PRKAR1B: variants seen among roughly 807,000 people sequenced by gnomAD.
PRKAR1B encodes cAMP-dependent protein kinase type I-beta regulatory subunit.
PRKAR1B carries 22 observed loss-of-function variants against 46.5 expected under a neutral mutation model. That is an observed-to-expected ratio of 0.47 (90% CI 0.34 to 0.68). The LOEUF is 0.68. PRKAR1B is among the 30% of genes least tolerant of loss of function. The pLI, the probability that PRKAR1B is intolerant of heterozygous loss-of-function variation, is 0.01. For synonymous variants in PRKAR1B, 259 were observed against 217.7 expected (o/e 1.19, Z -1.67); for missense variants, 445 against 535.6 (o/e 0.83, Z 1.67).
intron 4 of PRKAR1B, among the ~76,000 whole-genome samples, chr7:631,890 G>C (rs1464147286): frequency 6.6e-6 from 1 of 152,014 alleles, no homozygotes; most frequent in Non-Finnish European, 1.5e-5. Flanking sequence ...CCAGGAGATT[G>C]AGGCTGCATA....
Position 568,618 on chromosome 7 carries a change from T to G in PRKAR1B, c.891+10638A>C, listed in dbSNP as rs552211432. Among the ~76,000 whole-genome samples, 393 of 152,324 alleles carry G rather than the reference T, an allele frequency of 2.6e-3. 2 individuals carry two copies. Among genetic ancestry groups the G allele is most frequent in the African/African-American group, 8.8e-3 (368 of 41,588 alleles). On this transcript the variant is annotated intron_variant, in intron 9 of 10. Coordinates refer to ENST00000537384, the MANE Select transcript of PRKAR1B (RefSeq NM_001164760.2). ...AAGGGAGGGAATGTCCACAACCCAC[T>G]GCCTGCAGGACCACAGCCACCACGG... is the stretch of plus-strand genomic sequence containing the variant.
intron 8 of PRKAR1B, among the ~76,000 whole-genome samples, chr7:583,820 A>G (rs563049628): frequency 4.0e-5 from 6 of 150,608 alleles, no homozygotes; most frequent in South Asian, 2.1e-4. Context: ...ATGCACACAC[A>G]CGCACACACA....
chr7:712,666 C>T (rs1359987434), intron 1 of PRKAR1B: 131 of 131,174 alleles, frequency 1.0e-3, no homozygotes, highest in African/African-American at 3.3e-3. Flanking sequence ...GCCCCATCCC[C>T]CACCGGCGCA....
chr7:637,540 G>T (rs1320548427), intron 4 of PRKAR1B, among the ~76,000 whole-genome samples: 1 of 152,102 alleles, frequency 6.6e-6, no homozygotes, highest in Non-Finnish European at 1.5e-5. Flanking sequence ...AAAGAATCAA[G>T]AGCAAATAAT....
intron 1 of PRKAR1B, chr7:716,950 A>G (rs1780903357): frequency 6.6e-6 from 1 of 152,242 alleles, no homozygotes; most frequent in Non-Finnish European, 1.5e-5. Flanking sequence ...GAGGCTGAGC[A>G]TGGAGCACGC....
chr7:722,096 CTTTTTTTTTTTTTT>C (rs147399956), intron 1 of PRKAR1B, among the ~76,000 whole-genome samples: 1 of 92,352 alleles, frequency 1.1e-5, no homozygotes, highest in African/African-American at 4.5e-5. Flanking sequence ...AGTTTTCAGC[CTTTTTTTTTTTTTT>C]TTTTTTTTGA....
In PRKAR1B at chr7:689,480, T is replaced by A. The variant is rs1779290416; in HGVS notation, c.178-8754A>T. On this transcript the variant is annotated intron_variant, in intron 2 of 10. Transcript: ENST00000537384. ...AAAAACATAATAATAAACAAAAAAA[T>A]TATTTCAATTTTTGAAGAAAACAAA... Among the ~76,000 whole-genome samples, 4 of 152,144 alleles carry A rather than the reference T, an allele frequency of 2.6e-5. No homozygotes were observed. The South Asian group carries it at 8.3e-4, about 32-fold the overall frequency.
intron 2 of PRKAR1B, among the ~76,000 whole-genome samples, chr7:704,945 A>G (rs1780242091): frequency 6.6e-6 from 1 of 152,198 alleles, no homozygotes; most frequent in South Asian, 2.1e-4. Flanking sequence ...TGAGTGGAAA[A>G]TAAGCGTATG....
upstream of PRKAR1B, among the ~76,000 whole-genome samples, chr7:728,104 T>C (rs1281268542): frequency 1.8e-4 from 28 of 152,226 alleles, no homozygotes; most frequent in East Asian, 1.2e-3. Context: ...CCCTCCACTT[T>C]ATAACGTTCC....
chr7:613,833 G>A (rs1782658938), intron 4 of PRKAR1B, among the ~76,000 whole-genome samples: 1 of 152,262 alleles, frequency 6.6e-6, no homozygotes, highest in African/African-American at 2.4e-5. Context: ...GCACGGGAAA[G>A]CTCACCTGAG....
At chr7:655,554 C>G (rs1474445682) in intron 4 of PRKAR1B, among the ~76,000 whole-genome samples, 1 of 152,198 alleles carries the variant, frequency 6.6e-6, no homozygotes, top group Non-Finnish European at 1.5e-5. Flanking sequence ...TTTGGCACTT[C>G]TTACTGCCTC....
At chr7:675,060 T>A (rs1180844507) in intron 4 of PRKAR1B, among the ~76,000 whole-genome samples, 1 of 152,174 alleles carries the variant, frequency 6.6e-6, no homozygotes, top group Non-Finnish European at 1.5e-5. Flanking sequence ...CCCAGCAACC[T>A]GAATACCAGG....
chr7:697,926 G>GGGAA (rs1779837483), intron 2 of PRKAR1B, among the ~76,000 whole-genome samples: 1 of 120,570 alleles, frequency 8.3e-6, no homozygotes, highest in Non-Finnish European at 1.8e-5. Context: ...GGGGAGGGGA[G>GGGAA]GGGAGGGAAG....
chr7:727,086 C>A, intron 1 of PRKAR1B, 124 bp downstream of exon 1: 1 of 1,049,108 alleles, frequency 9.5e-7, no homozygotes, highest in Non-Finnish European at 1.1e-6. Flanking sequence ...CCGCGCTCGC[C>A]GCGCGCTTGG....
chr7:674,931 C>A (rs1005756914), intron 4 of PRKAR1B, among the ~76,000 whole-genome samples: 3 of 152,190 alleles, frequency 2.0e-5, no homozygotes, highest in African/African-American at 7.2e-5. Context: ...CCCTTGAAGG[C>A]CACTCCTCTG....
intron 4 of PRKAR1B, among the ~76,000 whole-genome samples, chr7:669,088 C>T (rs1786083815): frequency 6.6e-6 from 1 of 152,162 alleles, no homozygotes; most frequent in South Asian, 2.1e-4. Flanking sequence ...TGTCCATCAG[C>T]AGACAAATGG....
intron 2 of PRKAR1B, among the ~76,000 whole-genome samples, chr7:709,993 T>C (rs976155085): frequency 1.2e-4 from 19 of 152,220 alleles, no homozygotes; most frequent in African/African-American, 4.3e-4. Flanking sequence ...TGGAGAGGAC[T>C]ACAGAGCGTT....
At chr7:660,747 T>C in intron 4 of PRKAR1B, among the ~76,000 whole-genome samples, 1 of 97,342 alleles carries the variant, frequency 1.0e-5, no homozygotes, top group East Asian at 3.6e-4. Context: ...CCCCAACGGG[T>C]CCAAATACCT....
chr7:629,340 A>G (rs1783598095), intron 4 of PRKAR1B, among the ~76,000 whole-genome samples: 1 of 147,520 alleles, frequency 6.8e-6, no homozygotes, highest in Non-Finnish European at 1.5e-5. Flanking sequence ...ACGGCCTCCG[A>G]AGGCACCACC....
Sources: gnomAD v4.1 joint callset for allele counts (sites outside exome capture counted in the v4.1 genomes callset) on GRCh38, gnomAD v4.1.1 for gene constraint, MANE v1.5 for transcripts, NCBI Gene and HGNC (gene_info 2026-07-23, HGNC 2026-07-21) for gene names.